The following COL26A1 variants were observed in gnomAD, a reference collection of about 807,000 sequenced individuals.
The protein encoded by COL26A1 is collagen alpha-1(XXVI) chain.
In COL26A1, 41 loss-of-function variants were observed where a neutral mutation model predicts 59.3. The observed-to-expected ratio is 0.69, with a 90% CI of 0.54 to 0.90. The LOEUF is 0.90. COL26A1 is among the 40% of genes least tolerant of loss of function. The probability of loss-of-function intolerance (pLI) is 0.00; values close to 1 mark genes in which losing one functional copy is unlikely to be tolerated. For missense variants in COL26A1, 612 were observed against 602.3 expected (o/e 1.02, Z -0.17); for synonymous variants, 266 against 256.0 (o/e 1.04, Z -0.37).
intron 3 of COL26A1, among the ~76,000 whole-genome samples, chr7:101,456,020 C>T (rs1382044918): frequency 1.3e-5 from 2 of 152,018 alleles, no homozygotes; most frequent in Non-Finnish European, 2.9e-5. Context: ...TTATCATGAA[C>T]ATCTGTCTTT....
intron 2 of COL26A1, among the ~76,000 whole-genome samples, chr7:101,446,801 C>T (rs1409280153): frequency 3.3e-5 from 5 of 151,080 alleles, no homozygotes; most frequent in African/African-American, 7.3e-5. Context: ...GAGCCCAGAT[C>T]GCGCCACTGC....
At chr7:101,475,832 CTCTCTCTCTTTCTT>C (rs1260102901) in intron 3 of COL26A1, among the ~76,000 whole-genome samples, 9 of 147,594 alleles carry the variant, frequency 6.1e-5, no homozygotes, top group Non-Finnish European at 1.0e-4. Context: ...CTCTCTTTCT[CTCTCTCTCTTTCTT>C]TCTCTCTCTC....
At chr7:101,512,944 C>T (rs1411813968) in intron 3 of COL26A1, among the ~76,000 whole-genome samples, 1 of 152,036 alleles carries the variant, frequency 6.6e-6, no homozygotes, top group Non-Finnish European at 1.5e-5. Flanking sequence ...TGCTGCACTC[C>T]CCAGAAAGCA....
chr7:101,432,921 C>T lies in COL26A1; in HGVS notation c.281+12822C>T, dbSNP rs569644427. ...TTCGCCATATTGGTCAGGCTGGTCT[C>T]GAACTCCTGACCTCAGGTGACCCAC... On this transcript the variant is annotated intron_variant, in intron 2 of 12. Coordinates refer to ENST00000313669, the MANE Select transcript of COL26A1 (RefSeq NM_001278563.3). Among the ~76,000 whole-genome samples, 15 of 152,030 alleles carry T rather than the reference C, an allele frequency of 9.9e-5. No homozygotes were observed. The South Asian group carries it at 1.0e-3, about 11-fold the overall frequency.
chr7:101,438,757 G>A (rs752611976), intron 2 of COL26A1, among the ~76,000 whole-genome samples: 7 of 151,380 alleles, frequency 4.6e-5, no homozygotes, highest in African/African-American at 1.2e-4. Flanking sequence ...TGTAACTTCC[G>A]CCTCTCGGGT....
intron 1 of COL26A1, among the ~76,000 whole-genome samples, chr7:101,407,494 C>G (rs974119965): frequency 6.6e-6 from 1 of 151,684 alleles, no homozygotes; most frequent in Non-Finnish European, 1.5e-5. Flanking sequence ...GCCTCCCCTC[C>G]CTCCCAGCTC....
At chr7:101,418,141 G>A (rs2130267183) in intron 1 of COL26A1, among the ~76,000 whole-genome samples, 1 of 152,130 alleles carries the variant, frequency 6.6e-6, no homozygotes, top group African/African-American at 2.4e-5. Flanking sequence ...CTGGGATTAT[G>A]AGTGTGAGCC....
intron 3 of COL26A1, among the ~76,000 whole-genome samples, chr7:101,451,704 CATCTTT>C (rs1436396589): frequency 7.8e-6 from 1 of 128,466 alleles, no homozygotes. Context: ...AAATCATTTG[CATCTTT>C]TTTTTTTTTT....
rs543864401 is a variant in COL26A1, at chr7:101,452,074, G to C, written c.385+4287G>C. On this transcript the variant is annotated intron_variant, in intron 3 of 12. Transcript: ENST00000313669. ...AACTTGGCAGAATCTGAGCTGCAATGCATAGTGAGCGGTAACTCAAAGTGA... is the reference window on the plus strand; with the variant it reads ...AACTTGGCAGAATCTGAGCTGCAATCCATAGTGAGCGGTAACTCAAAGTGA... 3.9e-5 allele frequency among the ~76,000 whole-genome samples: 6 copies of C among 152,326 alleles called. No homozygotes were observed. In the East Asian group the frequency reaches 1.2e-3, roughly 29 times the overall value.
rs374707598 is a variant in COL26A1, at chr7:101,489,660, TCTTC to T, written c.385+41893_385+41896del. On this transcript the variant is annotated intron_variant, in intron 3 of 12. Coordinates refer to ENST00000313669, the MANE Select transcript of COL26A1 (RefSeq NM_001278563.3). ...TTCTTTCTTTCTTTCTTTCTTTCTT[TCTTC>T]CTTCCTTCCTTCCTTCCTTTCTTTC... Among the ~76,000 whole-genome samples the T allele has an allele frequency of 8.2e-5, 4 of 48,650 alleles. 1 individual carries two copies. Among genetic ancestry groups the T allele is most frequent in the African/African-American group, 1.7e-4 (1 of 5,776 alleles). The allele number at this position is 48,650 out of a possible 152,430, so 31.9% of individuals were successfully genotyped here.
At chr7:101,391,878 CTTTTCTTTTCTTTTT>C (rs1242067094) in intron 1 of COL26A1, among the ~76,000 whole-genome samples, 1 of 143,438 alleles carries the variant, frequency 7.0e-6, no homozygotes, top group Non-Finnish European at 1.5e-5. Context: ...CTTTTCTTTT[CTTTTCTTTTCTTTTT>C]TTTCTGTAGA....
intron 1 of COL26A1, among the ~76,000 whole-genome samples, chr7:101,415,684 G>A (rs1792355682): frequency 6.6e-6 from 1 of 152,052 alleles, no homozygotes; most frequent in Admixed American, 6.6e-5. Flanking sequence ...AGACTGGAGT[G>A]CAGTGGTGCG....
At chr7:101,427,698 A>C (rs1219708884) in intron 2 of COL26A1, among the ~76,000 whole-genome samples, 1 of 150,040 alleles carries the variant, frequency 6.7e-6, no homozygotes, top group South Asian at 2.1e-4. Context: ...TAGATATGGG[A>C]TCTTGCTTTG....
chr7:101,508,517 C>CAAAAA lies in COL26A1; in HGVS notation c.386-24555_386-24551dup, dbSNP rs58872805. 2.3e-3 allele frequency among the ~76,000 whole-genome samples: 290 copies of CAAAAA among 127,612 alleles called. 4 individuals are homozygous for CAAAAA. Among genetic ancestry groups the CAAAAA allele is most frequent in the African/African-American group, 7.3e-3 (231 of 31,724 alleles). The allele number at this position is 127,612 out of a possible 152,430, so 83.7% of individuals were successfully genotyped here. On this transcript the variant is annotated intron_variant, in intron 3 of 12. Coordinates refer to ENST00000313669, the MANE Select transcript of COL26A1 (RefSeq NM_001278563.3). ...CTGAACAACAGAGATAAAACCCTGT[C>CAAAAA]AAAAAAAAAAAAAAGATGATGGTCT... is the stretch of plus-strand genomic sequence containing the variant.
chr7:101,404,466 T>C (rs1422197514), intron 1 of COL26A1, among the ~76,000 whole-genome samples: 3 of 152,180 alleles, frequency 2.0e-5, no homozygotes, highest in Non-Finnish European at 2.9e-5. Context: ...CAAATCTCAA[T>C]GCCACAACCT....
In COL26A1 at chr7:101,380,192, A is replaced by G. The variant is rs547557194; in HGVS notation, c.158+17002A>G. ...TTTTTAGTAGTGATGGGGTTTCACTATATTGGCCAGGCTGGTCTCGAACTC... is the reference window on the plus strand; with the variant it reads ...TTTTTAGTAGTGATGGGGTTTCACTGTATTGGCCAGGCTGGTCTCGAACTC... On this transcript the variant is annotated intron_variant, in intron 1 of 12. Coordinates refer to ENST00000313669, the MANE Select transcript of COL26A1 (RefSeq NM_001278563.3). Among the ~76,000 whole-genome samples, 11 of 151,082 alleles carry G rather than the reference A, an allele frequency of 7.3e-5. No individual in the cohort carries two copies. The East Asian group carries it at 1.8e-3, about 24-fold the overall frequency.
intron 4 of COL26A1, among the ~76,000 whole-genome samples, chr7:101,535,531 C>T (rs1015431771): frequency 2.0e-5 from 3 of 152,180 alleles, no homozygotes; most frequent in Admixed American, 6.5e-5. Flanking sequence ...GTGGTCTTCC[C>T]GGCCCTGACA....
At chr7:101,387,971 T>C (rs1464884799) in intron 1 of COL26A1, among the ~76,000 whole-genome samples, 1 of 150,556 alleles carries the variant, frequency 6.6e-6, no homozygotes, top group African/African-American at 2.4e-5. Flanking sequence ...TTTCACCATG[T>C]TGGCCAAGTA....
chr7:101,401,331 T>C lies in COL26A1; in HGVS notation c.159-18646T>C, dbSNP rs118160000. ...TTCCTACCAGTGATGATGAGGGTGA[T>C]GATGAAAGCTATGTCAGCGGGATGG... On this transcript the variant is annotated intron_variant, in intron 1 of 12. Transcript: ENST00000313669. Among the ~76,000 whole-genome samples, 1,162 of 152,196 alleles carry C rather than the reference T, an allele frequency of 7.6e-3. 5 individuals carry two copies. Among genetic ancestry groups the C allele is most frequent in the Middle Eastern group, 0.01 (3 of 294 alleles).
Sources: gnomAD v4.1 joint callset for allele counts (sites outside exome capture counted in the v4.1 genomes callset) on GRCh38, gnomAD v4.1.1 for gene constraint, MANE v1.5 for transcripts, NCBI Gene and HGNC (gene_info 2026-07-23, HGNC 2026-07-21) for gene names.